Variants in PTPRD observed in about 807,000 individuals in gnomAD.
PTPRD encodes receptor-type tyrosine-protein phosphatase delta.
A neutral mutation model predicts 214.5 loss-of-function variants in PTPRD; 34 were observed. The ratio of observed to expected loss-of-function variants is 0.16; its 90% confidence interval spans 0.12 to 0.21. The LOEUF is 0.21. PTPRD is among the 10% of genes least tolerant of loss of function. The pLI, the probability that PTPRD is intolerant of heterozygous loss-of-function variation, is 1.00. For synonymous variants in PTPRD, 1,128 were observed against 845.7 expected, an observed-to-expected ratio of 1.33 and a Z score of -5.79; for missense variants, 2,545 against 2,398.7, an observed-to-expected ratio of 1.06 and a Z score of -1.27.
chr9:9,421,518 T>C (rs1032542169), intron 8 of PTPRD, among the ~76,000 whole-genome samples: 3 of 152,074 alleles, frequency 2.0e-5, no homozygotes, highest in African/African-American at 7.2e-5. Context: ...CAATTTCAAA[T>C]ACAACAAAAG....
At chr9:10,149,289 A>AACAACTCAAGTAGCAACAACTC (rs2099044690) in intron 3 of PTPRD, among the ~76,000 whole-genome samples, 1 of 152,218 alleles carries the variant, frequency 6.6e-6, no homozygotes, top group African/African-American at 2.4e-5. Flanking sequence ...TCAAGATAGC[A>AACAACTCAAGTAGCAACAACTC]AAGTTTGCTA....
chr9:8,600,819 G>A (rs1260624578), intron 14 of PTPRD, among the ~76,000 whole-genome samples: 3 of 151,958 alleles, frequency 2.0e-5, no homozygotes, highest in African/African-American at 7.2e-5. Context: ...TTTCAGGTGA[G>A]AACCATCATA....
intron 14 of PTPRD, among the ~76,000 whole-genome samples, chr9:8,621,450 TAAGAA>T (rs1564777048): frequency 6.6e-6 from 1 of 151,988 alleles, no homozygotes; most frequent in Non-Finnish European, 1.5e-5. Context: ...GATAGGGAAT[TAAGAA>T]AAGATTGGCT....
intron 4 of PTPRD, among the ~76,000 whole-genome samples, chr9:9,980,531 C>G (rs1248015540): frequency 2.2e-5 from 3 of 137,752 alleles, no homozygotes; most frequent in Non-Finnish European, 4.6e-5. Flanking sequence ...TCGCTTGAAC[C>G]CGGGGGGGCA....
intron 7 of PTPRD, among the ~76,000 whole-genome samples, chr9:9,650,504 A>T (rs2096309203): frequency 6.6e-6 from 1 of 152,166 alleles, no homozygotes; most frequent in South Asian, 2.1e-4. Flanking sequence ...CAACAAGGAT[A>T]ATGCCCTGAA....
chr9:9,947,823 G>C (rs562694854), intron 4 of PTPRD, among the ~76,000 whole-genome samples: 1 of 149,226 alleles, frequency 6.7e-6, no homozygotes, highest in Admixed American at 6.9e-5. Flanking sequence ...TCAAGTAATG[G>C]TGCCTACTAA....
intron 7 of PTPRD, among the ~76,000 whole-genome samples, chr9:9,640,367 G>A (rs951039658): frequency 1.3e-5 from 2 of 152,166 alleles, no homozygotes; most frequent in African/African-American, 2.4e-5. Flanking sequence ...TTTAGGGAGA[G>A]ACCCTGTGTG....
intron 37 of PTPRD, among the ~76,000 whole-genome samples, chr9:8,378,739 A>G (rs751548733): frequency 9.2e-5 from 14 of 152,130 alleles, no homozygotes; most frequent in Non-Finnish European, 1.3e-4. Flanking sequence ...AGTTCAATGC[A>G]CTGAACCAAA....
chr9:8,448,759 C>A (rs1257472263), intron 34 of PTPRD, among the ~76,000 whole-genome samples: 2 of 152,068 alleles, frequency 1.3e-5, no homozygotes, highest in African/African-American at 4.8e-5. Flanking sequence ...AAACCATGTT[C>A]AAAATAATTC....
intron 8 of PTPRD, among the ~76,000 whole-genome samples, chr9:9,523,208 T>C (rs1475175105): frequency 6.6e-6 from 1 of 152,154 alleles, no homozygotes; most frequent in African/African-American, 2.4e-5. Context: ...AACAATAAAT[T>C]TGTGGATAAT....
chr9:9,225,110 TG>T (rs2099958583), intron 9 of PTPRD, among the ~76,000 whole-genome samples: 2 of 152,014 alleles, frequency 1.3e-5, no homozygotes, highest in African/African-American at 2.4e-5. Context: ...ATTAATATAA[TG>T]AAACTTCTTG....
intron 10 of PTPRD, among the ~76,000 whole-genome samples, chr9:9,141,423 T>G (rs2099860266): frequency 6.6e-6 from 1 of 152,086 alleles, no homozygotes; most frequent in Non-Finnish European, 1.5e-5. Flanking sequence ...TATCCTACCT[T>G]GACCACTTTA....
At chr9:9,187,889 C>T (rs1476486675) in intron 9 of PTPRD, among the ~76,000 whole-genome samples, 1 of 151,662 alleles carries the variant, frequency 6.6e-6, no homozygotes, top group Non-Finnish European at 1.5e-5. Context: ...ATCCTGAGTC[C>T]TTTTGTCTCA....
At chr9:9,137,352 A>G (rs532677415) in intron 10 of PTPRD, among the ~76,000 whole-genome samples, 18 of 152,242 alleles carry the variant, frequency 1.2e-4, no homozygotes, top group Admixed American at 1.1e-3. Flanking sequence ...GTCTGTCTTG[A>G]AAACCTTAAT....
chr9:9,734,060 T>A (rs2098248815), intron 7 of PTPRD, among the ~76,000 whole-genome samples: 1 of 152,190 alleles, frequency 6.6e-6, no homozygotes, highest in Non-Finnish European at 1.5e-5. Context: ...ATCAGTGTGT[T>A]CAGTGTGTTT....
At chr9:9,047,435 G>C (rs888104415) in intron 10 of PTPRD, among the ~76,000 whole-genome samples, 47 of 152,112 alleles carry the variant, frequency 3.1e-4, no homozygotes, top group African/African-American at 1.1e-3. Context: ...AAAGGAACCA[G>C]AATAGTCAAA....
chr9:8,558,102 T>G (rs2084711892), intron 14 of PTPRD, among the ~76,000 whole-genome samples: 1 of 152,176 alleles, frequency 6.6e-6, no homozygotes, highest in African/African-American at 2.4e-5. Context: ...GTCAGACAAT[T>G]TTTAAAAATG....
At chr9:9,225,703 T>C (rs1303445558) in intron 9 of PTPRD, among the ~76,000 whole-genome samples, 1 of 151,958 alleles carries the variant, frequency 6.6e-6, no homozygotes, top group Non-Finnish European at 1.5e-5. Flanking sequence ...TTGAACAGTT[T>C]CACAACAGGA....
chr9:9,345,668 G>A (rs1219361559), intron 9 of PTPRD, among the ~76,000 whole-genome samples: 1 of 151,972 alleles, frequency 6.6e-6, no homozygotes. Flanking sequence ...AATTCTGAAG[G>A]CATATTATCT....
Sources: allele counts gnomAD v4.1 joint callset (sites outside exome capture counted in the v4.1 genomes callset), GRCh38; gene constraint gnomAD v4.1.1; transcripts MANE v1.5; gene names NCBI Gene and HGNC (gene_info 2026-07-23, HGNC 2026-07-21).